Variants in WDHD1 observed in about 807,000 individuals in gnomAD.
The protein encoded by WDHD1 is WD repeat and HMG-box DNA binding protein 1.
Under a neutral mutation model 135.4 loss-of-function variants are expected in WDHD1, and 111 were observed. The ratio of observed to expected loss-of-function variants is 0.82; its 90% CI spans 0.70 to 0.96. The LOEUF is 0.96. Among genes scored for constraint, WDHD1 ranks in the 40% least tolerant of loss-of-function variants. The pLI is 0.00. For missense variants in WDHD1, 1,351 were observed against 1,336.3 expected, an observed-to-expected ratio of 1.01 and a Z score of -0.17; for synonymous variants, 434 against 439.0, an observed-to-expected ratio of 0.99 and a Z score of 0.14.
chr14:54,938,952 T>C lies in WDHD1; in HGVS notation c.*2538A>G, dbSNP rs2040802650. ...TGGAGTAATTATGGCATTGTAATTA[T>C]GCAGAAGAAAATCTTTATTCTTAGG... is the stretch of plus-strand genomic sequence containing the variant. On this transcript the variant is annotated 3_prime_UTR_variant, in exon 26 of 26. Coordinates refer to ENST00000360586, the MANE Select transcript of WDHD1 (RefSeq NM_007086.4). 6.6e-6 allele frequency: 1 copy of C among 152,146 alleles called. No individual in the cohort carries two copies. The highest frequency in any genetic ancestry group is 1.5e-5 in the Non-Finnish European group (1 of 68,030). The allele number at this position is 152,146 out of a possible 1,614,324, so 9.4% of individuals were successfully genotyped here. A position where few individuals can be genotyped will look rare whatever the true frequency, so the allele number is the denominator to read the frequency against.
intron 25 of WDHD1, among the ~76,000 whole-genome samples, 153 bp from the exon 26 acceptor site, chr14:54,941,843 ATTAC>A (rs2040843935): frequency 6.6e-6 from 1 of 152,234 alleles, no homozygotes; most frequent in African/African-American, 2.4e-5. Context: ...CAAATCTTTT[ATTAC>A]TTAAATGCAG....
intron 15 of WDHD1, among the ~76,000 whole-genome samples, chr14:54,984,403 G>A (rs1037077203): frequency 6.6e-6 from 1 of 152,190 alleles, no homozygotes; most frequent in Non-Finnish European, 1.5e-5. Flanking sequence ...GCTGAGGTAG[G>A]AAGATGGCTT....
Position 54,989,908 on chromosome 14 carries a change from C to T in WDHD1, c.1342-696G>A, listed in dbSNP as rs537543380. Among the ~76,000 whole-genome samples, 6 of 152,260 alleles carry T rather than the reference C, an allele frequency of 3.9e-5. No homozygotes were observed. The South Asian group carries it at 8.3e-4, about 21-fold the overall frequency. The stretch of plus-strand genomic sequence containing the variant: ...CCAACTCCTATCCTCAAGTGACCAA[C>T]CCACCTTGGCCTCCCAAAGTGCTGG... On this transcript the variant is annotated intron_variant, in intron 12 of 25. Transcript: ENST00000360586.
rs1248003808 is a variant in WDHD1, at chr14:54,939,740, AC to A, written c.*1749del. 6.6e-6 allele frequency: 1 copy of A among 152,192 alleles called. No homozygotes were observed. The highest frequency in any genetic ancestry group is 1.5e-5 in the Non-Finnish European group (1 of 68,032). The allele number at this position is 152,192 out of a possible 1,614,324, so 9.4% of individuals were successfully genotyped here. On this transcript the variant is annotated 3_prime_UTR_variant, in exon 26 of 26. Transcript: ENST00000360586. ...GCCAAAAAAAAGTAGGGAAGTAAAA[AC>A]CCTTTTGTAAATCCTTGTTATTAGG... is the stretch of plus-strand genomic sequence containing the variant.
At chr14:54,960,910 C>T (rs2041241726) in intron 21 of WDHD1, among the ~76,000 whole-genome samples, 2 of 152,214 alleles carry the variant, frequency 1.3e-5, no homozygotes, top group African/African-American at 4.8e-5. Context: ...AGATATCCTC[C>T]TGTCCCAGCC....
chr14:55,002,189 T>C lies in WDHD1; in HGVS notation c.601-4A>G, dbSNP rs777996917. On this transcript the variant is annotated splice_region_variant and splice_polypyrimidine_tract_variant and intron_variant, in intron 7 of 25. Transcript: ENST00000360586. ...TTTCCACAGGAATTGCCAGTAACTATTAGAAAAGATAAACAACGTAAACAA... is the reference window on the plus strand; with the variant it reads ...TTTCCACAGGAATTGCCAGTAACTACTAGAAAAGATAAACAACGTAAACAA... 4.5e-6 allele frequency: 7 copies of C among 1,569,730 alleles called. No individual in the cohort carries two copies. Among genetic ancestry groups the C allele is most frequent in the Non-Finnish European group, 6.0e-6 (7 of 1,157,024 alleles).
At chr14:54,972,456 T>A (rs1310706361) in intron 16 of WDHD1, among the ~76,000 whole-genome samples, 1 of 145,648 alleles carries the variant, frequency 6.9e-6, no homozygotes, top group Non-Finnish European at 1.5e-5. Context: ...TGAACGCCTG[T>A]AATCCCAGCT....
At chr14:54,964,682 G>A (rs1212045201) in intron 18 of WDHD1, among the ~76,000 whole-genome samples, 1 of 151,878 alleles carries the variant, frequency 6.6e-6, no homozygotes, top group Non-Finnish European at 1.5e-5. Flanking sequence ...GGTTTCCACA[G>A]TGACTATTCT....
Position 55,004,127 on chromosome 14 carries a change from A to G in WDHD1, c.601-1942T>C, listed in dbSNP as rs2042024471. Among the ~76,000 whole-genome samples the G allele has an allele frequency of 2.6e-5, 4 of 152,222 alleles. No homozygotes were observed. The South Asian group carries it at 8.3e-4, about 31-fold the overall frequency. Reference sequence around the variant, plus strand: ...AATAGAAAAGTTGAAATAATAATATAGTAAATACCTATATATAGACTCATC... The same window carrying G: ...AATAGAAAAGTTGAAATAATAATATGGTAAATACCTATATATAGACTCATC... On this transcript the variant is annotated intron_variant, in intron 7 of 25. Coordinates refer to ENST00000360586, the MANE Select transcript of WDHD1 (RefSeq NM_007086.4).
chr14:54,950,531 C>T (rs537171251), intron 24 of WDHD1, among the ~76,000 whole-genome samples: 214 of 152,250 alleles, frequency 1.4e-3, no homozygotes, highest in Non-Finnish European at 1.6e-3. Context: ...GAGACTTAGA[C>T]TCCCACGCAA....
intron 7 of WDHD1, among the ~76,000 whole-genome samples, chr14:55,002,552 T>A (rs2041994709): frequency 6.6e-6 from 1 of 152,182 alleles, no homozygotes; most frequent in African/African-American, 2.4e-5. Flanking sequence ...GTGATCACTC[T>A]ATTGCTTGCA....
chr14:54,967,481 CT>C, intron 16 of WDHD1, 87 bp from the exon 17 acceptor site: 1 of 821,140 alleles, frequency 1.2e-6, no homozygotes, highest in Non-Finnish European at 1.9e-6. Flanking sequence ...AAGTTAGTAA[CT>C]TAGAATAGTA....
intron 16 of WDHD1, among the ~76,000 whole-genome samples, chr14:54,980,667 G>T (rs2041602916): frequency 6.6e-6 from 1 of 152,034 alleles, no homozygotes; most frequent in African/African-American, 2.4e-5. Context: ...AGCTGGGCAT[G>T]GTGGCACATG....
At position 54,989,020 on chromosome 14, in the gene WDHD1, G is replaced by T. The variant is rs1297006421; in HGVS notation, c.1526+8C>A. On this transcript the variant is annotated splice_region_variant and intron_variant, in intron 13 of 25. Transcript: ENST00000360586. ...GTGCCAAATTCTTCCTAATAATCTT[G>T]AGTTTACCTTGCTAGTTCATCAGTG... The T allele has an allele frequency of 1.2e-6, 2 of 1,602,524 alleles. No homozygotes were observed. The highest frequency in any genetic ancestry group is 2.2e-5 in the South Asian group (2 of 89,248).
Position 54,989,069 on chromosome 14 carries a change from T to C in WDHD1, c.1485A>G (p.Glu495=). The change falls in exon 13 of 26, where the codon GAA becomes GAG. Residue 495 remains glutamate (E), a synonymous_variant. Transcript: ENST00000360586. ...LNYTIADLSH[E]AILLACESTD... is the part of the protein sequence containing the mutation. ...TGCTTTCACATGCCAACAAAATAGC[T>C]TCGTGGGAAAGATCTGCTATTGTAT... The C allele has an allele frequency of 6.2e-7, 1 of 1,613,118 alleles. No individual in the cohort carries two copies.
intron 11 of WDHD1, among the ~76,000 whole-genome samples, chr14:54,994,693 G>A (rs927118890): frequency 5.3e-5 from 8 of 151,388 alleles, no homozygotes; most frequent in Admixed American, 1.3e-4. Context: ...TCCAGGAGGC[G>A]GAGGTTGCAG....
At chr14:54,960,017 C>T (rs886931611) in intron 21 of WDHD1, among the ~76,000 whole-genome samples, 3 of 152,104 alleles carry the variant, frequency 2.0e-5, no homozygotes, top group Non-Finnish European at 4.4e-5. Flanking sequence ...TTACAAGAAA[C>T]TGAGAATCAC....
intron 18 of WDHD1, among the ~76,000 whole-genome samples, chr14:54,965,373 C>T (rs17832269): frequency 0.29 from 43,812 of 152,140 alleles, 6,401 homozygotes; most frequent in South Asian, 0.33. Flanking sequence ...GACACCAAAC[C>T]TGGCCACTGG....
intron 2 of WDHD1, among the ~76,000 whole-genome samples, chr14:55,023,523 G>C (rs888090721): frequency 1.3e-5 from 2 of 152,128 alleles, no homozygotes; most frequent in African/African-American, 2.4e-5. Context: ...CATGACTTTT[G>C]TCTGCTTCTT....
Sources: gnomAD v4.1 joint callset for allele counts (sites outside exome capture counted in the v4.1 genomes callset) on GRCh38, gnomAD v4.1.1 for gene constraint, MANE v1.5 for transcripts, NCBI Gene and HGNC (gene_info 2026-07-23, HGNC 2026-07-21) for gene names.